Variants in IKZF2 observed in about 807,000 individuals in gnomAD.
IKZF2 encodes zinc finger protein Helios.
Under a neutral mutation model 49.2 loss-of-function variants are expected in IKZF2, and 15 were observed. That is an observed-to-expected ratio of 0.30 (90% CI 0.20 to 0.47). IKZF2 has a LOEUF of 0.47. IKZF2 is among the 20% of genes least tolerant of loss of function. IKZF2 has a pLI of 1.00. For synonymous variants in IKZF2, 227 were observed against 221.4 expected (o/e 1.03, Z -0.23); for missense variants, 567 against 664.6 (o/e 0.85, Z 1.61).
intron 4 of IKZF2, among the ~76,000 whole-genome samples, chr2:213,105,497 T>C (rs2059493373): frequency 7.0e-6 from 1 of 143,496 alleles, no homozygotes; most frequent in South Asian, 2.2e-4. Context: ...CTATACACAA[T>C]ACGTCACCTC....
intron 4 of IKZF2, among the ~76,000 whole-genome samples, chr2:213,061,979 T>C (rs956207342): frequency 6.6e-6 from 1 of 151,574 alleles, no homozygotes; most frequent in Non-Finnish European, 1.5e-5. Flanking sequence ...AAGTCACCCA[T>C]TTGTGCAAGA....
chr2:213,103,847 A>G (rs1277349558), intron 4 of IKZF2, among the ~76,000 whole-genome samples: 1 of 152,236 alleles, frequency 6.6e-6, no homozygotes, highest in Non-Finnish European at 1.5e-5. Flanking sequence ...AGTTACAAAT[A>G]TAGTGATATC....
At chr2:213,053,796 T>C (rs1424438074) in intron 5 of IKZF2, among the ~76,000 whole-genome samples, 1 of 152,206 alleles carries the variant, frequency 6.6e-6, no homozygotes, top group African/African-American at 2.4e-5. Context: ...ACCTGATTAC[T>C]TACTAAAGTA....
intron 6 of IKZF2, among the ~76,000 whole-genome samples, chr2:213,049,135 T>A (rs1286075149): frequency 6.6e-6 from 1 of 152,094 alleles, no homozygotes; most frequent in African/African-American, 2.4e-5. Flanking sequence ...CTACATTTTT[T>A]AAATGATTTA....
At chr2:213,079,422 A>G (rs763362914) in intron 4 of IKZF2, among the ~76,000 whole-genome samples, 1 of 142,692 alleles carries the variant, frequency 7.0e-6, no homozygotes, top group African/African-American at 2.6e-5. Flanking sequence ...GAAGCATGGA[A>G]GGAAGGAAGG....
chr2:213,146,712 T>C (rs1051771616), intron 4 of IKZF2, among the ~76,000 whole-genome samples: 2 of 132,192 alleles, frequency 1.5e-5, no homozygotes, highest in African/African-American at 5.6e-5. Context: ...TTTACAAATA[T>C]GCTCATAATT....
intron 8 of IKZF2, among the ~76,000 whole-genome samples, chr2:213,010,269 G>C (rs966224635): frequency 6.6e-6 from 1 of 152,096 alleles, no homozygotes; most frequent in Non-Finnish European, 1.5e-5. Flanking sequence ...AACTTCTGAA[G>C]CCAAGGAAAT....
At chr2:213,071,549 T>A (rs1241731395) in intron 4 of IKZF2, among the ~76,000 whole-genome samples, 2 of 152,056 alleles carry the variant, frequency 1.3e-5, no homozygotes, top group Non-Finnish European at 2.9e-5. Flanking sequence ...ACAGTAACAA[T>A]CAAGCCATAG....
At chr2:213,088,661 G>A (rs142376187) in intron 4 of IKZF2, among the ~76,000 whole-genome samples, 1 of 152,196 alleles carries the variant, frequency 6.6e-6, no homozygotes, top group Admixed American at 6.5e-5. Flanking sequence ...GGGAATCTGA[G>A]GCAGGAGAAT....
chr2:213,053,547 A>G (rs1445691190), intron 5 of IKZF2, among the ~76,000 whole-genome samples: 1 of 152,202 alleles, frequency 6.6e-6, no homozygotes, highest in Non-Finnish European at 1.5e-5. Flanking sequence ...AATCTCAAGC[A>G]TCTGCTGAGT....
chr2:213,021,177 C>A (rs1199303097), intron 7 of IKZF2, among the ~76,000 whole-genome samples: 1 of 151,886 alleles, frequency 6.6e-6, no homozygotes, highest in Non-Finnish European at 1.5e-5. Context: ...CGTGCCACTG[C>A]ACTCCAGCCT....
chr2:213,071,991 G>C (rs1702754967), intron 4 of IKZF2, among the ~76,000 whole-genome samples: 1 of 151,930 alleles, frequency 6.6e-6, no homozygotes, highest in African/African-American at 2.4e-5. Flanking sequence ...ACCATCATTA[G>C]ATACAAGATC....
chr2:213,126,603 A>G (rs1216517544), intron 4 of IKZF2, among the ~76,000 whole-genome samples: 1 of 152,230 alleles, frequency 6.6e-6, no homozygotes, highest in Admixed American at 6.5e-5. Flanking sequence ...ACAACAAAGT[A>G]AATGATGGTA....
intron 6 of IKZF2, among the ~76,000 whole-genome samples, chr2:213,033,457 A>C (rs569407113): frequency 7.5e-4 from 115 of 152,354 alleles, no homozygotes; most frequent in Middle Eastern, 3.4e-3. Flanking sequence ...CTCTAGCCTT[A>C]TAAAATGTAT....
chr2:213,108,348 T>G (rs2059598920), intron 4 of IKZF2, among the ~76,000 whole-genome samples: 2 of 152,186 alleles, frequency 1.3e-5, no homozygotes, highest in Admixed American at 6.5e-5. Context: ...ATTAGCTTTA[T>G]GTACTACTTC....
At chr2:213,008,257 C>G (rs1695567140) in intron 8 of IKZF2, among the ~76,000 whole-genome samples, 173 bp from the exon 9 acceptor site, 1 of 151,698 alleles carries the variant, frequency 6.6e-6, no homozygotes. Context: ...GATGCTCACA[C>G]ACATTTTTTT....
intron 4 of IKZF2, among the ~76,000 whole-genome samples, chr2:213,059,084 T>C (rs902486780): frequency 6.6e-6 from 1 of 151,786 alleles, no homozygotes; most frequent in Non-Finnish European, 1.5e-5. Flanking sequence ...AAACTGGTAT[T>C]TTATTATGGT....
At chr2:213,096,195 G>A (rs1260966712) in intron 4 of IKZF2, among the ~76,000 whole-genome samples, 1 of 151,904 alleles carries the variant, frequency 6.6e-6, no homozygotes, top group African/African-American at 2.4e-5. Flanking sequence ...AAACTTAATA[G>A]CCAGAGAATA....
intron 4 of IKZF2, among the ~76,000 whole-genome samples, chr2:213,074,599 C>T (rs569847173): frequency 6.6e-6 from 1 of 152,216 alleles, no homozygotes; most frequent in South Asian, 2.1e-4. Context: ...AAAAGCCTAA[C>T]AAAACTCTTA....
Sources: gnomAD v4.1 joint callset for allele counts (sites outside exome capture counted in the v4.1 genomes callset) on GRCh38, gnomAD v4.1.1 for gene constraint, MANE v1.5 for transcripts, NCBI Gene and HGNC (gene_info 2026-07-23, HGNC 2026-07-21) for gene names.